The following UNC5D variants were observed in gnomAD, a reference collection of about 807,000 sequenced individuals.
The protein encoded by UNC5D is netrin receptor UNC5D.
Under a neutral mutation model 105.4 loss-of-function variants are expected in UNC5D, and 39 were observed. The ratio of observed to expected loss-of-function variants is 0.37; its 90% CI spans 0.29 to 0.48. The LOEUF (loss-of-function observed/expected upper bound fraction) is 0.48, where lower values mean the gene tolerates loss of function less well. UNC5D is among the 20% of genes least tolerant of loss of function. The pLI is 0.98. For synonymous variants in UNC5D, 452 were observed against 450.4 expected, an observed-to-expected ratio of 1.00 and a Z score of -0.04; for missense variants, 991 against 1,202.4, an observed-to-expected ratio of 0.82 and a Z score of 2.60.
Position 35,490,941 on chromosome 8 carries a change from A to G in UNC5D, c.104-58351A>G, listed in dbSNP as rs975610792. On this transcript the variant is annotated intron_variant, in intron 1 of 16. Transcript: ENST00000404895. ...TTTTTTCATTTTCATCCACTCACCT[A>G]TGGAATTCCTTTTCATCATTCCTAG... Among the ~76,000 whole-genome samples the G allele has an allele frequency of 5.9e-5, 9 of 151,782 alleles. No individual in the cohort carries two copies. In the East Asian group the frequency reaches 1.2e-3, roughly 20 times the overall value.
intron 1 of UNC5D, among the ~76,000 whole-genome samples, chr8:35,526,804 C>A (rs1439157): frequency 0.46 from 69,731 of 151,572 alleles, 20,178 homozygotes; most frequent in African/African-American, 0.82. Context: ...AAAAAATGGC[C>A]TAGAAATACC....
intron 3 of UNC5D, among the ~76,000 whole-genome samples, chr8:35,588,439 T>C (rs1319892728): frequency 1.3e-5 from 2 of 152,128 alleles, no homozygotes; most frequent in Non-Finnish European, 2.9e-5. Context: ...GCCTGTGAGA[T>C]TCTCTGCCTC....
intron 4 of UNC5D, among the ~76,000 whole-genome samples, chr8:35,665,461 T>A (rs1586371118): frequency 6.6e-6 from 1 of 152,138 alleles, no homozygotes; most frequent in Non-Finnish European, 1.5e-5. Context: ...CAACTATTGA[T>A]GTTACACCCA....
intron 8 of UNC5D, chr8:35,721,336 A>G (rs1398863247): frequency 5.8e-6 from 4 of 687,588 alleles, no homozygotes; most frequent in Admixed American, 2.0e-5. Flanking sequence ...ACCACATCCA[A>G]CGCACCTCTA....
chr8:35,786,798 A>C (rs1802765437), intron 16 of UNC5D, among the ~76,000 whole-genome samples: 1 of 152,174 alleles, frequency 6.6e-6, no homozygotes, highest in South Asian at 2.1e-4. Flanking sequence ...AACCTACTTT[A>C]GGTTACAAGA....
intron 1 of UNC5D, among the ~76,000 whole-genome samples, chr8:35,372,099 T>C (rs1158860656): frequency 2.6e-5 from 4 of 152,140 alleles, no homozygotes; most frequent in African/African-American, 9.7e-5. Context: ...ATTTGGCTCA[T>C]CTCTAGGTTT....
At chr8:35,611,922 A>C (rs570290285) in intron 4 of UNC5D, among the ~76,000 whole-genome samples, 2 of 152,362 alleles carry the variant, frequency 1.3e-5, no homozygotes, top group African/African-American at 4.8e-5. Flanking sequence ...AAAATTGTTG[A>C]GTTCTCAATA....
chr8:35,340,182 C>A (rs564567025), intron 1 of UNC5D, among the ~76,000 whole-genome samples: 1 of 152,162 alleles, frequency 6.6e-6, no homozygotes, highest in South Asian at 2.1e-4. Flanking sequence ...TTCTCATGAA[C>A]CCTTGCCTGC....
rs34123141 is a variant in UNC5D, at chr8:35,448,356, A to G, written c.104-100936A>G. The stretch of plus-strand genomic sequence containing the variant: ...TTATTTCAAAATTGCTTTAAAGGTG[A>G]TGATGCTGATTGGGAGGCTGAAAAA... On this transcript the variant is annotated intron_variant, in intron 1 of 16. Transcript: ENST00000404895. 3.6e-3 allele frequency among the ~76,000 whole-genome samples: 553 copies of G among 152,214 alleles called. 2 individuals carry two copies. The highest frequency in any genetic ancestry group is 6.8e-3 in the Middle Eastern group (2 of 294).
chr8:35,614,689 A>G (rs1354508805), intron 4 of UNC5D, among the ~76,000 whole-genome samples: 2 of 152,096 alleles, frequency 1.3e-5, no homozygotes, highest in Non-Finnish European at 2.9e-5. Flanking sequence ...GGTTAATATA[A>G]GTTATTTTAA....
At chr8:35,615,036 GC>G (rs1563594272) in intron 4 of UNC5D, among the ~76,000 whole-genome samples, 1 of 35,912 alleles carries the variant, frequency 2.8e-5, no homozygotes, top group Non-Finnish European at 4.5e-5. Context: ...ATAGTGAGGG[GC>G]CCCCCCCCCC....
chr8:35,720,581 GA>G (rs1466484794), intron 8 of UNC5D, among the ~76,000 whole-genome samples: 1 of 152,054 alleles, frequency 6.6e-6, no homozygotes, highest in Admixed American at 6.5e-5. Flanking sequence ...TGAGTAGAGG[GA>G]AGGTGGGAGC....
intron 1 of UNC5D, among the ~76,000 whole-genome samples, chr8:35,385,768 C>T (rs189564919): frequency 5.9e-5 from 9 of 152,110 alleles, no homozygotes; most frequent in African/African-American, 2.2e-4. Flanking sequence ...CCCGGCCTAC[C>T]TACCTCTTTT....
intron 1 of UNC5D, among the ~76,000 whole-genome samples, chr8:35,464,259 G>A (rs927048972): frequency 7.2e-5 from 11 of 152,102 alleles, no homozygotes; most frequent in African/African-American, 2.2e-4. Flanking sequence ...CCTGGGAGGC[G>A]GAGGTTGCTG....
intron 3 of UNC5D, among the ~76,000 whole-genome samples, chr8:35,577,284 C>A (rs1029267076): frequency 4.6e-5 from 7 of 152,190 alleles, no homozygotes; most frequent in Admixed American, 1.3e-4. Flanking sequence ...CCTTTAATAA[C>A]AAATTCCTAG....
intron 1 of UNC5D, among the ~76,000 whole-genome samples, chr8:35,475,721 A>T (rs1401957508): frequency 2.0e-5 from 3 of 152,154 alleles, no homozygotes; most frequent in African/African-American, 4.8e-5. Context: ...TTGGATCCAA[A>T]TTTTTTGTTT....
At chr8:35,365,672 C>T (rs1802076956) in intron 1 of UNC5D, among the ~76,000 whole-genome samples, 1 of 145,930 alleles carries the variant, frequency 6.9e-6, no homozygotes, top group African/African-American at 2.5e-5. Flanking sequence ...GAGATGTAAG[C>T]TAAAGATGGC....
rs1462079789 is a variant in UNC5D at position 35,726,447 on chromosome 8, G to A, written c.1599G>A (p.Leu533=). 1.4e-5 allele frequency: 23 copies of A among 1,613,996 alleles called. No individual in the cohort carries two copies. Among genetic ancestry groups the A allele is most frequent in the East Asian group, 2.2e-5 (1 of 44,884 alleles). Residue 533 remains leucine, a synonymous_variant, in exon 10 of 17, where the codon CTG becomes CTA. Transcript: ENST00000404895. The part of the protein sequence containing the change: ...PRNKMPYIQN[L]SSLPTRTELR... ...ATAAAATGCCCTACATCCAAAATCT[G>A]TCATCACTCCCCACAAGGACAGAAC...
At chr8:35,695,721 ATTTATTTAT>A (rs1826722998) in intron 7 of UNC5D, among the ~76,000 whole-genome samples, 2 of 141,280 alleles carry the variant, frequency 1.4e-5, no homozygotes, top group African/African-American at 2.9e-5. Flanking sequence ...TTATTTATTT[ATTTATTTAT>A]TTATTTATTT....
Sources: gnomAD v4.1 joint callset for allele counts (sites outside exome capture counted in the v4.1 genomes callset) on GRCh38, gnomAD v4.1.1 for gene constraint, MANE v1.5 for transcripts, NCBI Gene and HGNC (gene_info 2026-07-23, HGNC 2026-07-21) for gene names.